FRMPD4: variants seen among roughly 807,000 people sequenced by gnomAD.
FRMPD4 encodes the protein FERM and PDZ domain containing 4, also known as FERM and PDZ domain-containing protein 4.
Under a neutral mutation model 94.1 loss-of-function variants are expected in FRMPD4, and 22 were observed. That is an observed-to-expected ratio of 0.23 (90% CI 0.17 to 0.33). The LOEUF is 0.33. Ranked by LOEUF, FRMPD4 falls within the 10% of genes least tolerant of loss-of-function variation. The pLI, the probability that FRMPD4 is intolerant of heterozygous loss-of-function variation, is 1.00. For missense variants in FRMPD4, 1,111 were observed against 1,339.9 expected (o/e 0.83, Z 2.67); for synonymous variants, 631 against 548.6 (o/e 1.15, Z -2.10).
At chrX:12,434,155 T>C (rs1233645711) in intron 1 of FRMPD4, among the ~76,000 whole-genome samples, 1 of 112,094 alleles carries the variant, frequency 8.9e-6, no homozygotes. Context: ...GTTCCTTCAA[T>C]GCTTGTGCTT....
chrX:12,268,750 T>C (rs1200990798), intron 1 of FRMPD4, among the ~76,000 whole-genome samples: 1 of 112,269 alleles, frequency 8.9e-6, no homozygotes, highest in Admixed American at 9.4e-5. Flanking sequence ...GCTCTAACTG[T>C]AATGCTAAGA....
chrX:12,416,911 G>C (rs1234090262), intron 1 of FRMPD4, among the ~76,000 whole-genome samples: 1 of 111,685 alleles, frequency 9.0e-6, no homozygotes, highest in Non-Finnish European at 1.9e-5. Context: ...AAAAATTTTA[G>C]AAGGTATTCT....
At chrX:12,337,319 C>A (rs5979601) in intron 1 of FRMPD4, among the ~76,000 whole-genome samples, 8,875 of 111,044 alleles carry the variant, frequency 0.08, 888 homozygotes, top group African/African-American at 0.27. Context: ...GTCATTGTTC[C>A]GGAATATTGG....
chrX:12,427,385 G>A (rs1445182651), intron 1 of FRMPD4, among the ~76,000 whole-genome samples: 1 of 111,296 alleles, frequency 9.0e-6, no homozygotes, highest in African/African-American at 3.3e-5. Context: ...TGTTCTCCTT[G>A]GGTAGACAAG....
intron 9 of FRMPD4, among the ~76,000 whole-genome samples, chrX:12,699,607 G>A (rs934836898): frequency 2.7e-5 from 3 of 112,085 alleles, no homozygotes; most frequent in African/African-American, 6.5e-5. Context: ...TATAGGAAGC[G>A]GTTATAAATG....
chrX:12,654,810 G>A (rs2059636162), intron 4 of FRMPD4, among the ~76,000 whole-genome samples: 1 of 112,120 alleles, frequency 8.9e-6, no homozygotes, highest in African/African-American at 3.2e-5. Flanking sequence ...TACTTTCTAA[G>A]TTCTGTGCTT....
intron 3 of FRMPD4, among the ~76,000 whole-genome samples, chrX:12,113,135 A>C (rs1045350430): frequency 8.9e-5 from 10 of 111,763 alleles, no homozygotes; most frequent in Non-Finnish European, 1.1e-4. Context: ...TCATCTTTTT[A>C]TGGTGTGGGG....
intron 2 of FRMPD4, among the ~76,000 whole-genome samples, chrX:12,545,127 G>A (rs779840412): frequency 2.7e-5 from 3 of 111,912 alleles, no homozygotes; most frequent in Non-Finnish European, 3.8e-5. Flanking sequence ...GTTAGCACAC[G>A]GAATTGCAGA....
At chrX:12,275,438 T>A (rs2054420746) in intron 1 of FRMPD4, among the ~76,000 whole-genome samples, 1 of 111,117 alleles carries the variant, frequency 9.0e-6, no homozygotes, top group Non-Finnish European at 1.9e-5. Context: ...GGTATTTATT[T>A]ATAGCAACAC....
chrX:12,221,683 C>T (rs2056869984), intron 1 of FRMPD4, among the ~76,000 whole-genome samples: 1 of 111,648 alleles, frequency 9.0e-6, no homozygotes, highest in Non-Finnish European at 1.9e-5. Context: ...AGAGCACACC[C>T]AATTTGGAGA....
At chrX:12,427,523 G>A (rs1412171603) in intron 1 of FRMPD4, among the ~76,000 whole-genome samples, 2 of 111,929 alleles carry the variant, frequency 1.8e-5, no homozygotes, top group Non-Finnish European at 3.8e-5. Flanking sequence ...AAAGGTTGGT[G>A]TCTTTGGGGC....
chrX:12,498,988 T>C (rs2057886825), intron 2 of FRMPD4, among the ~76,000 whole-genome samples, 192 bp downstream of exon 2: 1 of 110,939 alleles, frequency 9.0e-6, no homozygotes. Flanking sequence ...CATTTATATT[T>C]CTATATATTG....
chrX:12,317,313 A>C (rs751891473), intron 1 of FRMPD4, among the ~76,000 whole-genome samples: 2 of 111,349 alleles, frequency 1.8e-5, no homozygotes, highest in Admixed American at 9.6e-5. Context: ...TTTAAGACCT[A>C]AAACTATAAA....
chrX:11,892,442 C>T (rs1201540409), intron 3 of FRMPD4, among the ~76,000 whole-genome samples: 1 of 112,091 alleles, frequency 8.9e-6, no homozygotes, highest in African/African-American at 3.2e-5. Context: ...AGTGAGTGGT[C>T]TGTGGGAGTG....
intron 3 of FRMPD4, among the ~76,000 whole-genome samples, chrX:12,041,432 AC>A (rs2054754144): frequency 8.9e-6 from 1 of 112,049 alleles, no homozygotes; most frequent in Non-Finnish European, 1.9e-5. Flanking sequence ...GTTTTGCTGG[AC>A]AGAATTCTTG....
At chrX:12,633,631 C>A (rs768113235) in intron 4 of FRMPD4, among the ~76,000 whole-genome samples, 47 of 112,159 alleles carry the variant, frequency 4.2e-4, no homozygotes, top group African/African-American at 1.5e-3. Flanking sequence ...TATGGATAAA[C>A]ATTTTGTACA....
intron 1 of FRMPD4, among the ~76,000 whole-genome samples, chrX:12,290,578 G>T (rs746177353): frequency 1.8e-5 from 2 of 112,511 alleles, no homozygotes; most frequent in South Asian, 7.4e-4. Flanking sequence ...TTTAGGAGCA[G>T]TAAAACATTT....
intron 3 of FRMPD4, among the ~76,000 whole-genome samples, chrX:12,121,862 C>T (rs753545905): frequency 9.0e-6 from 1 of 111,148 alleles, no homozygotes; most frequent in African/African-American, 3.3e-5. Flanking sequence ...GGTGAAAAGG[C>T]CTGGTCCCGC....
At chrX:12,024,400 G>T (rs917434101) in intron 3 of FRMPD4, among the ~76,000 whole-genome samples, 1 of 112,079 alleles carries the variant, frequency 8.9e-6, no homozygotes, top group African/African-American at 3.2e-5. Context: ...GTCACTCAGA[G>T]AGTGAAGTTT....
Sources: gnomAD v4.1 joint callset for allele counts (sites outside exome capture counted in the v4.1 genomes callset) on GRCh38, gnomAD v4.1.1 for gene constraint, MANE v1.5 for transcripts, NCBI Gene and HGNC (gene_info 2026-07-23, HGNC 2026-07-21) for gene names.